Variants in SLC16A3 observed in about 807,000 individuals in gnomAD.
SLC16A3 encodes the protein solute carrier family 16 member 3, also known as monocarboxylate transporter 4.
SLC16A3 carries 22 observed loss-of-function variants against 25.0 expected under a neutral mutation model. The observed-to-expected ratio is 0.88, with a 90% CI of 0.63 to 1.26. The LOEUF (loss-of-function observed/expected upper bound fraction) is 1.26. Among genes scored for constraint, SLC16A3 ranks in the 50% most tolerant of loss-of-function variants. The probability of loss-of-function intolerance (pLI) is 0.00; values close to 1 mark genes in which losing one functional copy is unlikely to be tolerated. For missense variants in SLC16A3, 731 were observed against 666.6 expected, an observed-to-expected ratio of 1.10 and a Z score of -1.06; for synonymous variants, 390 against 309.2, an observed-to-expected ratio of 1.26 and a Z score of -2.74.
At chr17:82,238,076 G>C (rs146907522) in intron 4 of SLC16A3, among the ~76,000 whole-genome samples, 183 bp downstream of exon 4, 53 of 152,322 alleles carry the variant, frequency 3.5e-4, no homozygotes, top group African/African-American at 1.2e-3. Flanking sequence ...ATTAGGAGTG[G>C]GGTGCTCCGT....
At chr17:82,237,968 G>A (rs1338100369) in intron 4 of SLC16A3, 75 bp downstream of exon 4, 14 of 1,500,078 alleles carry the variant, frequency 9.3e-6, no homozygotes, top group Admixed American at 9.2e-5. Flanking sequence ...GGGGGGGGAC[G>A]CGCACCCCTC....
chr17:82,236,669 C>T (rs779927158), intron 2 of SLC16A3, 60 bp from the exon 3 acceptor site: 40 of 1,571,398 alleles, frequency 2.5e-5, no homozygotes, highest in East Asian at 9.0e-5. Flanking sequence ...TGAGCTCAGT[C>T]GGCTGGCGGG....
chr17:82,218,963 G>A (rs1348147978), intron 1 of SLC16A3, among the ~76,000 whole-genome samples: 1 of 152,178 alleles, frequency 6.6e-6, no homozygotes, highest in Non-Finnish European at 1.5e-5. Context: ...TTGAGGATAA[G>A]GGAGAGAAAG....
Position 82,223,165 on chromosome 17 carries a change from C to T in SLC16A3, c.-27+4981C>T, listed in dbSNP as rs1396193676. Among the ~76,000 whole-genome samples, 5 of 151,984 alleles carry T rather than the reference C, an allele frequency of 3.3e-5. No individual in the cohort carries two copies. The South Asian group carries it at 6.2e-4, about 19-fold the overall frequency. The stretch of plus-strand genomic sequence containing the variant: ...GTAACCGTGTGCTACAAGAGCTCTA[C>T]CTTAATTAATTAATTATTATTATTA... On this transcript the variant is annotated intron_variant, in intron 1 of 4. Transcript: ENST00000580098.
intron 1 of SLC16A3, among the ~76,000 whole-genome samples, chr17:82,219,786 C>T (rs56046717): frequency 0.1 from 15,830 of 152,178 alleles, 1,153 homozygotes; most frequent in Non-Finnish European, 0.16. Flanking sequence ...GCATGGGCTG[C>T]GCTGTTCCCA....
In SLC16A3 at chr17:82,239,084, A is replaced by T. The variant is rs2050697250; in HGVS notation, c.*108A>T. ...TCAGGCAGGGCCACGGCTGGGCTCC[A>T]GCTGCCGGCCCAGCGGATCGTCGCC... On this transcript the variant is annotated 3_prime_UTR_variant, in exon 5 of 5. Coordinates refer to ENST00000582743, the MANE Select transcript of SLC16A3 (RefSeq NM_004207.4). 3.6e-6 allele frequency: 4 copies of T among 1,120,166 alleles called. No individual in the cohort carries two copies. Among genetic ancestry groups the T allele is most frequent in the African/African-American group, 3.1e-5 (2 of 63,894 alleles). 69.4% of individuals were successfully genotyped at this position (1,120,166 alleles called of 1,614,324 possible).
At position 82,239,032 on chromosome 17, in the gene SLC16A3, G is replaced by A; in HGVS notation, c.*56G>A. 1 of 1,471,308 alleles carries A rather than the reference G, an allele frequency of 6.8e-7. No homozygotes were observed. Among genetic ancestry groups the A allele is most frequent in the Non-Finnish European group, 9.0e-7 (1 of 1,105,744 alleles). The allele number at this position is 1,471,308 out of a possible 1,614,324, so 91.1% of individuals were successfully genotyped here. ...GGAGGTACAGAAGCCGGCAACGCTT[G>A]CTATTTATTTTACAAACTGGACTGG... On this transcript the variant is annotated 3_prime_UTR_variant, in exon 5 of 5. Coordinates refer to ENST00000582743, the MANE Select transcript of SLC16A3 (RefSeq NM_004207.4).
rs374978867 is a variant in SLC16A3, at chr17:82,237,264, C to T, written c.494C>T (p.Pro165Leu). 29 of 1,564,256 alleles carry T rather than the reference C, an allele frequency of 1.9e-5. No individual in the cohort carries two copies. The highest frequency in any genetic ancestry group is 2.4e-5 in the Non-Finnish European group (28 of 1,154,858). ...CCTGTCTTCCTGTGTGCCCTGAGCCCGCTGGGGCAGCTGCTGCAGGACCGC... is the reference window on the plus strand; with the variant it reads ...CCTGTCTTCCTGTGTGCCCTGAGCCTGCTGGGGCAGCTGCTGCAGGACCGC... Reference protein sequence around the residue: ...GSPVFLCALSPLGQLLQDRYG... With the variant: ...GSPVFLCALSLLGQLLQDRYG... The change falls in exon 4 of 5, where the codon CCG (proline) becomes CTG (leucine). Residue 165 changes from proline (P) to leucine (L), a missense_variant. Transcript: ENST00000582743.
Position 82,220,739 on chromosome 17 carries a change from A to G in SLC16A3, c.-27+2555A>G, listed in dbSNP as rs143744039. 3.4e-3 allele frequency among the ~76,000 whole-genome samples: 514 copies of G among 152,330 alleles called. 3 individuals carry two copies. Among genetic ancestry groups the G allele is most frequent in the African/African-American group, 0.012 (482 of 41,558 alleles). On this transcript the variant is annotated intron_variant, in intron 1 of 4. Transcript: ENST00000580098. ...TATCTCACACCGTTTATAAGTATCAATGCAAAATAGATCAACAAACAAAAC... is the reference window on the plus strand; with the variant it reads ...TATCTCACACCGTTTATAAGTATCAGTGCAAAATAGATCAACAAACAAAAC...
Position 82,236,008 on chromosome 17 carries a change from C to T in SLC16A3, c.-1C>T. On this transcript the variant is annotated 5_prime_UTR_variant, in exon 2 of 5. Transcript: ENST00000582743. ...GTGAGGCGGAACCAACCCTCCTGGC[C>T]ATGGGAGGGGCCGTGGTGGACGAGG... 6.2e-7 allele frequency: 1 copy of T among 1,610,470 alleles called. No homozygotes were observed. The highest frequency in any genetic ancestry group is 1.7e-5 in the Admixed American group (1 of 59,780).
chr17:82,238,041 A>AT, intron 4 of SLC16A3, 148 bp downstream of exon 4: 5 of 929,900 alleles, frequency 5.4e-6, no homozygotes, highest in Non-Finnish European at 7.9e-6. Context: ...ACCAACCCTG[A>AT]TTCTGCTGGG....
chr17:82,237,081 G>C lies in SLC16A3; in HGVS notation c.368-57G>C, dbSNP rs1655570951. On this transcript the variant is annotated intron_variant, in intron 3 of 4. Coordinates refer to ENST00000582743, the MANE Select transcript of SLC16A3 (RefSeq NM_004207.4). ...TGTGGGAACCTGGGGGCAGAGATGAGGGTCTCGGGCTTTGGGGCAGCCTTG... is the reference window on the plus strand; with the variant it reads ...TGTGGGAACCTGGGGGCAGAGATGACGGTCTCGGGCTTTGGGGCAGCCTTG... The C allele has an allele frequency of 3.3e-5, 48 of 1,464,736 alleles. 1 individual carries two copies. The South Asian group carries it at 6.5e-4, about 20-fold the overall frequency. The allele number at this position is 1,464,736 out of a possible 1,614,324, so 90.7% of individuals were successfully genotyped here.
rs145044097 is a variant in SLC16A3, at chr17:82,237,874, C to T, written c.1104C>T (p.Leu368=). Residue 368 remains leucine (L), a synonymous_variant, in exon 4 of 5, where the codon CTC becomes CTT. Transcript: ENST00000582743. ...TGCTGATGGAGGCGGTGGCCGTGCT[C>T]GTCGGGCCCCCTTCGGGAGGTGAGC... is the stretch of plus-strand genomic sequence containing the variant. ...LVLLMEAVAV[L]VGPPSGGKLL... The T allele has an allele frequency of 1.4e-5, 22 of 1,600,074 alleles. No homozygotes were observed. Among genetic ancestry groups the T allele is most frequent in the African/African-American group, 1.3e-4 (10 of 74,902 alleles).
At chr17:82,221,851 T>C (rs2050390591) in intron 1 of SLC16A3, among the ~76,000 whole-genome samples, 1 of 152,002 alleles carries the variant, frequency 6.6e-6, no homozygotes, top group East Asian at 1.9e-4. Context: ...CTGGGCAACA[T>C]AAGAAGACCC....
intron 3 of SLC16A3, 98 bp from the exon 4 acceptor site, chr17:82,237,040 C>T (rs1440563983): frequency 4.8e-6 from 7 of 1,458,014 alleles, no homozygotes; most frequent in Non-Finnish European, 6.4e-6. Flanking sequence ...GGCTCTGCAC[C>T]CTGGGAGCCT....
At chr17:82,223,717 C>T (rs962840474), upstream of SLC16A3, among the ~76,000 whole-genome samples, 1 of 151,930 alleles carries the variant, frequency 6.6e-6, no homozygotes. Flanking sequence ...GTTTGCTGCA[C>T]CCACTTTACA....
In SLC16A3 at chr17:82,239,932, GT is replaced by G; in HGVS notation, c.*957del. ...CACCCACCTGCCCTCGTGGCCAGCA[GT>G]GGCCTGCGTGGCTGGGAGCCCGGTC... is the stretch of plus-strand genomic sequence containing the variant. On this transcript the variant is annotated 3_prime_UTR_variant, in exon 5 of 5. Coordinates refer to ENST00000582743, the MANE Select transcript of SLC16A3 (RefSeq NM_004207.4). 8.7e-7 allele frequency: 1 copy of G among 1,149,986 alleles called. No homozygotes were observed. Among genetic ancestry groups the G allele is most frequent in the Non-Finnish European group, 1.1e-6 (1 of 911,718 alleles). 71.2% of individuals were successfully genotyped at this position (1,149,986 alleles called of 1,614,324 possible).
intron 1 of SLC16A3, chr17:82,234,026 G>A (rs566048614): frequency 6.6e-6 from 1 of 151,842 alleles, no homozygotes; most frequent in South Asian, 2.1e-4. Flanking sequence ...ATTTTTAGTA[G>A]AGACGGGGTT....
intron 1 of SLC16A3, among the ~76,000 whole-genome samples, chr17:82,221,201 G>C (rs998632941): frequency 6.6e-6 from 1 of 152,184 alleles, no homozygotes; most frequent in African/African-American, 2.4e-5. Context: ...AGTGAAGGCA[G>C]CCCACAGAAT....
Sources: gnomAD v4.1 joint callset for allele counts (sites outside exome capture counted in the v4.1 genomes callset) on GRCh38, gnomAD v4.1.1 for gene constraint, MANE v1.5 for transcripts, NCBI Gene and HGNC (gene_info 2026-07-23, HGNC 2026-07-21) for gene names.